The following KDM4C variants were observed in gnomAD, a reference collection of about 807,000 sequenced individuals.
KDM4C encodes lysine-specific demethylase 4C.
In KDM4C, 81 loss-of-function variants were observed where a neutral mutation model predicts 129.3. The ratio of observed to expected loss-of-function variants is 0.63; its 90% CI spans 0.52 to 0.75. The LOEUF (loss-of-function observed/expected upper bound fraction) is 0.75. Ranked by LOEUF, KDM4C falls within the 30% of genes least tolerant of loss-of-function variation. KDM4C has a pLI of 0.00. For missense variants in KDM4C, 1,457 were observed against 1,304.0 expected (o/e 1.12, Z -1.81); for synonymous variants, 573 against 456.1 (o/e 1.26, Z -3.26).
intron 17 of KDM4C, among the ~76,000 whole-genome samples, chr9:7,063,542 G>A (rs1000769369): frequency 6.6e-6 from 1 of 152,206 alleles, no homozygotes; most frequent in Admixed American, 6.5e-5. Context: ...AATATTTATT[G>A]AGGACTTAAT....
intron 8 of KDM4C, among the ~76,000 whole-genome samples, chr9:6,959,843 C>T (rs967348724): frequency 6.6e-6 from 1 of 152,038 alleles, no homozygotes; most frequent in Admixed American, 6.6e-5. Context: ...TATCACCAGG[C>T]ATGTTCTTAT....
intron 12 of KDM4C, among the ~76,000 whole-genome samples, chr9:6,993,070 G>A (rs1432765871): frequency 6.6e-6 from 1 of 152,076 alleles, no homozygotes; most frequent in Non-Finnish European, 1.5e-5. Context: ...CTGACTGGTG[G>A]CACATCCTGT....
At position 6,845,141 on chromosome 9, in the gene KDM4C, C is replaced by T. The variant is rs542944349; in HGVS notation, c.436-4366C>T. ...TGCTGTGTTGTTCCCTTCAGTTTTG[C>T]AGAGACTGAGTGCAGTTACTGTGGA... On this transcript the variant is annotated intron_variant, in intron 4 of 21. Transcript: ENST00000381309. Among the ~76,000 whole-genome samples the T allele has an allele frequency of 2.6e-5, 4 of 152,290 alleles. No homozygotes were observed. In the East Asian group the frequency reaches 5.8e-4, roughly 22 times the overall value.
intron 15 of KDM4C, among the ~76,000 whole-genome samples, chr9:7,032,710 A>G (rs7857570): frequency 0.18 from 27,857 of 152,132 alleles, 3,405 homozygotes; most frequent in African/African-American, 0.34. Flanking sequence ...AGGATGCCAG[A>G]CCATCTCATT....
chr9:6,838,250 T>C (rs896201519), intron 4 of KDM4C, among the ~76,000 whole-genome samples: 1 of 152,194 alleles, frequency 6.6e-6, no homozygotes, highest in Non-Finnish European at 1.5e-5. Flanking sequence ...AACTCAATAT[T>C]AGTGGTCCTG....
intron 17 of KDM4C, among the ~76,000 whole-genome samples, chr9:7,098,140 A>C (rs910167509): frequency 1.3e-5 from 2 of 152,168 alleles, no homozygotes; most frequent in African/African-American, 4.8e-5. Context: ...CAGTTCTAGA[A>C]TTCTTTTGTG....
At chr9:6,754,708 C>G (rs1452743809), upstream of KDM4C, among the ~76,000 whole-genome samples, 2 of 151,596 alleles carry the variant, frequency 1.3e-5, no homozygotes, top group Non-Finnish European at 2.9e-5. Flanking sequence ...GACCCTGACT[C>G]TACAAAGAAA....
intron 17 of KDM4C, among the ~76,000 whole-genome samples, chr9:7,057,304 C>T (rs1156720435): frequency 6.6e-6 from 1 of 152,236 alleles, no homozygotes; most frequent in African/African-American, 2.4e-5. Context: ...TGGTTAGACA[C>T]AGATACTAGG....
chr9:7,109,601 C>T (rs534902779), intron 18 of KDM4C, among the ~76,000 whole-genome samples: 1 of 152,292 alleles, frequency 6.6e-6, no homozygotes, highest in East Asian at 1.9e-4. Context: ...AATTAAGCAG[C>T]ATTCAGCTAA....
At chr9:7,137,291 G>A (rs1177190715) in intron 19 of KDM4C, among the ~76,000 whole-genome samples, 2 of 152,196 alleles carry the variant, frequency 1.3e-5, no homozygotes, top group African/African-American at 4.8e-5. Context: ...GAATATCCAT[G>A]ACATCATATC....
intron 10 of KDM4C, among the ~76,000 whole-genome samples, chr9:6,984,605 T>C (rs935903399): frequency 6.6e-6 from 1 of 152,088 alleles, no homozygotes; most frequent in Non-Finnish European, 1.5e-5. Flanking sequence ...TGTAGCAGAA[T>C]TGTGAGACAA....
intron 8 of KDM4C, among the ~76,000 whole-genome samples, chr9:6,927,089 T>TTCTTTCTTTCTA (rs147161681): frequency 8.3e-5 from 12 of 145,086 alleles, no homozygotes; most frequent in South Asian, 2.2e-4. Context: ...AAAAAAAATT[T>TTCTTTCTTTCTA]TCTATCTATC....
chr9:6,933,254 A>G (rs1265182712), intron 8 of KDM4C, among the ~76,000 whole-genome samples: 1 of 152,246 alleles, frequency 6.6e-6, no homozygotes, highest in Non-Finnish European at 1.5e-5. Context: ...CTGACAGGTA[A>G]TTACATCTTC....
chr9:7,150,514 T>C (rs114100108), intron 19 of KDM4C, among the ~76,000 whole-genome samples: 1,705 of 152,238 alleles, frequency 0.011, 33 homozygotes, highest in African/African-American at 0.038. Flanking sequence ...TGGAGAGAAA[T>C]GTCTCCGAGA....
At chr9:6,801,117 T>C (rs184546132) in intron 2 of KDM4C, among the ~76,000 whole-genome samples, 4 of 152,290 alleles carry the variant, frequency 2.6e-5, no homozygotes, top group Admixed American at 2.6e-4. Context: ...CAAGTTTCTT[T>C]ATCTGATGAC....
At chr9:7,022,195 C>T (rs1006800956) in intron 15 of KDM4C, among the ~76,000 whole-genome samples, 1 of 152,006 alleles carries the variant, frequency 6.6e-6, no homozygotes, top group African/African-American at 2.4e-5. Flanking sequence ...TGAAGAATGT[C>T]TTTAGTATTT....
At chr9:6,912,588 G>C (rs1357307129) in intron 8 of KDM4C, among the ~76,000 whole-genome samples, 1 of 152,172 alleles carries the variant, frequency 6.6e-6, no homozygotes, top group Non-Finnish European at 1.5e-5. Flanking sequence ...TGTACAAATT[G>C]TTCATTGTTC....
At chr9:6,937,883 T>C (rs1805779892) in intron 8 of KDM4C, among the ~76,000 whole-genome samples, 1 of 152,022 alleles carries the variant, frequency 6.6e-6, no homozygotes, top group Non-Finnish European at 1.5e-5. Flanking sequence ...AGCTAATTTT[T>C]GAATTTTTGG....
intron 1 of KDM4C, among the ~76,000 whole-genome samples, chr9:6,777,336 G>T (rs1350394682): frequency 6.6e-6 from 1 of 152,186 alleles, no homozygotes; most frequent in Admixed American, 6.5e-5. Flanking sequence ...TTTCAAAGCT[G>T]CTTTTGAGTG....
Sources: gnomAD v4.1 joint callset for allele counts (sites outside exome capture counted in the v4.1 genomes callset) on GRCh38, gnomAD v4.1.1 for gene constraint, MANE v1.5 for transcripts, NCBI Gene and HGNC (gene_info 2026-07-23, HGNC 2026-07-21) for gene names.